The following GTF2IRD1 variants were observed in gnomAD, a reference collection of about 807,000 sequenced individuals.
GTF2IRD1 encodes the protein GTF2I repeat domain containing 1.
Under a neutral mutation model 113.2 loss-of-function variants are expected in GTF2IRD1, and 26 were observed. That is an observed-to-expected ratio of 0.23 (90% CI 0.17 to 0.32). The LOEUF (loss-of-function observed/expected upper bound fraction) is 0.32, where lower values mean the gene tolerates loss of function less well. Ranked by LOEUF, GTF2IRD1 falls within the 10% of genes least tolerant of loss-of-function variation. GTF2IRD1 has a pLI of 1.00. For synonymous variants in GTF2IRD1, 484 were observed against 529.1 expected (o/e 0.91, Z 1.17); for missense variants, 864 against 1,280.8 (o/e 0.67, Z 4.97).
intron 22 of GTF2IRD1, among the ~76,000 whole-genome samples, chr7:74,561,389 C>A (rs142487519): frequency 6.8e-6 from 1 of 146,974 alleles, no homozygotes; most frequent in South Asian, 2.2e-4. Flanking sequence ...AGTGATGTGG[C>A]GGCTGCTGAC....
At chr7:74,475,039 G>A (rs1299212618) in intron 1 of GTF2IRD1, among the ~76,000 whole-genome samples, 1 of 152,188 alleles carries the variant, frequency 6.6e-6, no homozygotes, top group African/African-American at 2.4e-5. Flanking sequence ...ACGATCACTT[G>A]AGGCTAAGAG....
intron 1 of GTF2IRD1, among the ~76,000 whole-genome samples, chr7:74,495,802 G>A (rs76851716): frequency 2.0e-5 from 3 of 152,186 alleles, no homozygotes; most frequent in Non-Finnish European, 4.4e-5. Flanking sequence ...CCACCCAGGG[G>A]CCTGCAGACT....
intron 2 of GTF2IRD1, among the ~76,000 whole-genome samples, chr7:74,511,445 A>G (rs1409687136): frequency 7.9e-5 from 12 of 152,226 alleles, no homozygotes; most frequent in Admixed American, 7.9e-4. Flanking sequence ...GCTGTGATGG[A>G]TGAGAAACAG....
At position 74,545,788 on chromosome 7, in the gene GTF2IRD1, C is replaced by G. The variant is rs1554353117; in HGVS notation, c.1711C>G (p.Leu571Val). Residue 571 changes from leucine to valine, a missense_variant, in exon 16 of 27, where the codon CTG becomes GTG. This residue lies in a region of GTF2IRD1 where 218 missense variants were observed against 352.6 expected (regional missense o/e 0.62). Transcript: ENST00000424337. The part of the protein sequence containing the change: ...VIRPLRKQVE[L>V]LFNTRYAKAI... ...CCGGCCCCTGCGGAAGCAGGTGGAG[C>G]TGCTCTTCAACACACGATACGGTGA... 1.2e-6 allele frequency: 2 copies of G among 1,613,270 alleles called. No homozygotes were observed. Among genetic ancestry groups the G allele is most frequent in the Non-Finnish European group, 1.7e-6 (2 of 1,179,552 alleles).
chr7:74,579,526 G>A (rs1759149028), intron 22 of GTF2IRD1, among the ~76,000 whole-genome samples: 1 of 151,702 alleles, frequency 6.6e-6, no homozygotes, highest in South Asian at 2.1e-4. Context: ...GCTAAGGCAG[G>A]AGAATTGCTG....
chr7:74,486,371 G>C (rs1483601591), intron 1 of GTF2IRD1, among the ~76,000 whole-genome samples: 1 of 152,170 alleles, frequency 6.6e-6, no homozygotes, highest in Admixed American at 6.6e-5. Context: ...AGGGGCCTGC[G>C]CCATCTCTCT....
At chr7:74,459,718 A>G (rs797030294) in intron 1 of GTF2IRD1, among the ~76,000 whole-genome samples, 4 of 152,318 alleles carry the variant, frequency 2.6e-5, no homozygotes, top group African/African-American at 9.6e-5. Flanking sequence ...GCAAGGACTA[A>G]TGCAATATTT....
At chr7:74,599,732 A>G (rs1479693178) in intron 25 of GTF2IRD1, among the ~76,000 whole-genome samples, 2 of 152,144 alleles carry the variant, frequency 1.3e-5, no homozygotes, top group Non-Finnish European at 2.9e-5. Context: ...CATGTTGCCC[A>G]GGCTGGTCTC....
intron 2 of GTF2IRD1, among the ~76,000 whole-genome samples, chr7:74,510,431 G>C (rs140783539): frequency 0.1 from 15,231 of 150,814 alleles, 1,893 homozygotes; most frequent in East Asian, 0.39. Flanking sequence ...CTCAGCCTCT[G>C]GAGTAGCTGG....
chr7:74,535,841 C>T (rs1476113289), intron 10 of GTF2IRD1, among the ~76,000 whole-genome samples: 1 of 152,208 alleles, frequency 6.6e-6, no homozygotes, highest in Non-Finnish European at 1.5e-5. Context: ...GAAGCCCCGG[C>T]CCTTTTCTGA....
intron 22 of GTF2IRD1, among the ~76,000 whole-genome samples, chr7:74,587,952 T>C (rs139987757): frequency 0.013 from 1,978 of 152,220 alleles, 46 homozygotes; most frequent in African/African-American, 0.038. Context: ...CAGACCTTGG[T>C]CAGCGAGCGG....
intron 15 of GTF2IRD1, among the ~76,000 whole-genome samples, chr7:74,545,084 C>G (rs1369948372): frequency 3.9e-5 from 6 of 152,118 alleles, no homozygotes; most frequent in African/African-American, 1.4e-4. Flanking sequence ...TGCTGCTTTG[C>G]GCAAAGGTTT....
chr7:74,505,453 C>T lies in GTF2IRD1; in HGVS notation c.-6-2622C>T, dbSNP rs555493740. Among the ~76,000 whole-genome samples, 4 of 152,306 alleles carry T rather than the reference C, an allele frequency of 2.6e-5. No individual in the cohort carries two copies. The East Asian group carries it at 7.7e-4, about 29-fold the overall frequency. Reference sequence around the variant, plus strand: ...CAGGGGGTCCTACAAGCCCGGATGACCGAGACAAGGAGCTGGGGATGGCCC... The same window carrying T: ...CAGGGGGTCCTACAAGCCCGGATGATCGAGACAAGGAGCTGGGGATGGCCC... On this transcript the variant is annotated intron_variant, in intron 1 of 26. Transcript: ENST00000424337.
chr7:74,595,073 C>A, intron 25 of GTF2IRD1, 22 bp downstream of exon 25: 2 of 1,566,520 alleles, frequency 1.3e-6, no homozygotes, highest in South Asian at 1.1e-5. Flanking sequence ...GTGAAGAAGC[C>A]ACCCTTCTGC....
intron 22 of GTF2IRD1, among the ~76,000 whole-genome samples, chr7:74,583,620 A>G (rs1554366872): frequency 6.7e-6 from 1 of 149,946 alleles, no homozygotes; most frequent in Non-Finnish European, 1.5e-5. Context: ...TGACATGCAC[A>G]CTCCCACCAC....
intron 17 of GTF2IRD1, among the ~76,000 whole-genome samples, chr7:74,554,542 CT>C (rs1198271245): frequency 2.0e-5 from 3 of 152,084 alleles, no homozygotes; most frequent in Non-Finnish European, 4.4e-5. Flanking sequence ...TGTTTCTACT[CT>C]TTTCTTTCAT....
chr7:74,474,781 A>G (rs1368959748), intron 1 of GTF2IRD1, among the ~76,000 whole-genome samples: 11 of 152,146 alleles, frequency 7.2e-5, no homozygotes, highest in African/African-American at 2.7e-4. Flanking sequence ...ATGTCATCCC[A>G]GGCCCAGCTA....
chr7:74,530,905 C>A (rs1412598013), intron 9 of GTF2IRD1, among the ~76,000 whole-genome samples: 18 of 152,012 alleles, frequency 1.2e-4, no homozygotes, highest in African/African-American at 3.6e-4. Flanking sequence ...CCCATCTCTG[C>A]AAAATATTTA....
At chr7:74,538,318 C>A (rs1798421838) in intron 12 of GTF2IRD1, 145 bp downstream of exon 12, 3 of 780,018 alleles carry the variant, frequency 3.8e-6, no homozygotes, top group Admixed American at 2.1e-5. Flanking sequence ...CTCCACTAGG[C>A]CTCGCAGAGC....
Sources: gnomAD v4.1 joint callset for allele counts (sites outside exome capture counted in the v4.1 genomes callset) on GRCh38, gnomAD v4.1.1 for gene constraint, gnomAD v4.1.1 regional missense constraint, MANE v1.5 for transcripts, NCBI Gene and HGNC (gene_info 2026-07-23, HGNC 2026-07-21) for gene names.